Variants in SAAL1 observed in about 807,000 individuals in gnomAD.
SAAL1 encodes the protein protein SAAL1.
A neutral mutation model predicts 59.8 loss-of-function variants in SAAL1; 42 were observed. The ratio of observed to expected loss-of-function variants is 0.70; its 90% CI spans 0.55 to 0.91. The LOEUF (loss-of-function observed/expected upper bound fraction) is 0.91. SAAL1 is among the 40% of genes least tolerant of loss of function. The probability of loss-of-function intolerance (pLI) is 0.00; values close to 1 mark genes in which losing one functional copy is unlikely to be tolerated. For missense variants in SAAL1, 542 were observed against 561.1 expected, an observed-to-expected ratio of 0.97 and a Z score of 0.34; for synonymous variants, 191 against 194.3, an observed-to-expected ratio of 0.98 and a Z score of 0.14.
At chr11:18,102,755 A>T (rs1848647895) in intron 2 of SAAL1, among the ~76,000 whole-genome samples, 1 of 152,234 alleles carries the variant, frequency 6.6e-6, no homozygotes, top group African/African-American at 2.4e-5. Flanking sequence ...GTTATTGTGA[A>T]GATCAAATAG....
chr11:18,096,472 A>C (rs1263798509), intron 3 of SAAL1, among the ~76,000 whole-genome samples: 1 of 152,018 alleles, frequency 6.6e-6, no homozygotes, highest in African/African-American at 2.4e-5. Flanking sequence ...ACTCCCAGTT[A>C]CTTGGGAGGC....
chr11:18,085,798 C>A (rs1263267039), intron 9 of SAAL1, among the ~76,000 whole-genome samples: 1 of 151,970 alleles, frequency 6.6e-6, no homozygotes, highest in East Asian at 1.9e-4. Context: ...TGTGGGTAAG[C>A]TGGATTATTC....
chr11:18,101,687 A>G (rs958007201), intron 2 of SAAL1, among the ~76,000 whole-genome samples: 5 of 152,202 alleles, frequency 3.3e-5, no homozygotes, highest in Admixed American at 2.6e-4. Context: ...AAAACAAAGT[A>G]TATGTCCATA....
chr11:18,085,405 T>C (rs1418708760), intron 9 of SAAL1, among the ~76,000 whole-genome samples: 1 of 150,694 alleles, frequency 6.6e-6, no homozygotes, highest in South Asian at 2.1e-4. Flanking sequence ...GAAGAAAATA[T>C]GTCACAGACA....
In SAAL1 at chr11:18,103,181, T is replaced by C. The variant is rs1224068884; in HGVS notation, c.249+52A>G. The C allele has an allele frequency of 6.5e-6, 8 of 1,228,472 alleles. No individual in the cohort carries two copies. In the South Asian group the frequency reaches 8.4e-5, roughly 13 times the overall value. The allele number at this position is 1,228,472 out of a possible 1,614,324, so 76.1% of individuals were successfully genotyped here. On this transcript the variant is annotated intron_variant, in intron 2 of 11. Transcript: ENST00000524803. ...GACTGAACCGTTTTTAAAACATTCA[T>C]TCACCATCTCCTCACCCAACAGTCT...
Position 18,103,240 on chromosome 11 carries a change from A to G in SAAL1, c.242T>C (p.Met81Thr). ...NEICRVWDMS[M>T]DEDVALFLQE... is the part of the protein sequence containing the mutation. The stretch of plus-strand genomic sequence containing the variant: ...TTGTTTCCAGCCTCATACCTCATCC[A>G]TTGACATATCCCATACTCTGCAAAT... The change falls in exon 2 of 12, where the codon ATG (methionine) becomes ACG (threonine). Residue 81 changes from methionine to threonine, a missense_variant. Met to Thr is a moderately conservative substitution (Grantham distance 81). Coordinates refer to ENST00000524803, the MANE Select transcript of SAAL1 (RefSeq NM_138421.3). 6.2e-7 allele frequency: 1 copy of G among 1,606,376 alleles called. No homozygotes were observed. The highest frequency in any genetic ancestry group is 8.5e-7 in the Non-Finnish European group (1 of 1,173,060).
chr11:18,105,366 C>G (rs1418030025), intron 1 of SAAL1, among the ~76,000 whole-genome samples: 1 of 142,370 alleles, frequency 7.0e-6, no homozygotes, highest in Non-Finnish European at 1.5e-5. Context: ...TTTGTAGAAA[C>G]CAGGTCTATG....
intron 2 of SAAL1, among the ~76,000 whole-genome samples, chr11:18,101,820 TAAA>T (rs58015469): frequency 0.015 from 1,700 of 113,164 alleles, 30 homozygotes; most frequent in African/African-American, 0.044. Flanking sequence ...CATTCAGCAA[TAAA>T]AAAAAAAAAA....
chr11:18,098,870 A>G (rs1848603550), intron 2 of SAAL1, among the ~76,000 whole-genome samples: 1 of 152,266 alleles, frequency 6.6e-6, no homozygotes, highest in African/African-American at 2.4e-5. Context: ...CAACACCAAC[A>G]GTAATAAAAT....
intron 3 of SAAL1, among the ~76,000 whole-genome samples, chr11:18,093,153 C>T (rs60464729): frequency 0.12 from 18,788 of 152,090 alleles, 1,512 homozygotes; most frequent in African/African-American, 0.23. Flanking sequence ...GATCGACCAT[C>T]GGGATATCTC....
At chr11:18,095,106 G>C (rs540702646) in intron 3 of SAAL1, among the ~76,000 whole-genome samples, 1 of 152,180 alleles carries the variant, frequency 6.6e-6, no homozygotes, top group South Asian at 2.1e-4. Context: ...ACTCTGGAGG[G>C]AGGCTCGGCA....
chr11:18,097,838 G>GA (rs3993315), intron 2 of SAAL1, among the ~76,000 whole-genome samples: 61 of 139,862 alleles, frequency 4.4e-4, no homozygotes, highest in Admixed American at 1.3e-3. Flanking sequence ...AGAAAAAAAG[G>GA]AAAAAAAAAA....
intron 1 of SAAL1, among the ~76,000 whole-genome samples, chr11:18,105,314 G>A (rs1422129669): frequency 3.3e-5 from 5 of 150,154 alleles, no homozygotes; most frequent in Admixed American, 6.6e-5. Flanking sequence ...GACTACAGGC[G>A]TGCACCGTCA....
chr11:18,080,931 C>T (rs1848403036), intron 11 of SAAL1, among the ~76,000 whole-genome samples: 1 of 152,030 alleles, frequency 6.6e-6, no homozygotes, highest in African/African-American at 2.4e-5. Flanking sequence ...TATTTTTTTC[C>T]TCTTAGAATT....
chr11:18,085,005 A>G (rs1341462244), intron 9 of SAAL1, among the ~76,000 whole-genome samples: 1 of 152,162 alleles, frequency 6.6e-6, no homozygotes, highest in Non-Finnish European at 1.5e-5. Flanking sequence ...ACCTCAGGTA[A>G]TCTGCCCGCC....
At chr11:18,100,989 T>C (rs1183538405) in intron 2 of SAAL1, among the ~76,000 whole-genome samples, 3 of 152,136 alleles carry the variant, frequency 2.0e-5, no homozygotes, top group African/African-American at 4.8e-5. Context: ...CCAAAAAAGA[T>C]ACACAGAGTA....
chr11:18,084,030 C>T (rs1191009102), intron 9 of SAAL1, among the ~76,000 whole-genome samples: 2 of 152,156 alleles, frequency 1.3e-5, no homozygotes, highest in Non-Finnish European at 2.9e-5. Context: ...AGCAATGAAG[C>T]ATCAGCAATT....
At position 18,086,903 on chromosome 11, in the gene SAAL1, G is replaced by A. The variant is rs146452197; in HGVS notation, c.1005C>T (p.Ala335=). 6.2e-6 allele frequency: 10 copies of A among 1,613,866 alleles called. No individual in the cohort carries two copies. In the African/African-American group the frequency reaches 9.3e-5, roughly 15 times the overall value. ...SVFSVLSAIY[A]SQTEQEYLKI... Reference sequence around the variant, plus strand: ...TTAGATACTCTTGCTCAGTCTGTGAGGCATAGATGGCAGACAACACTGAAA... The same window carrying A: ...TTAGATACTCTTGCTCAGTCTGTGAAGCATAGATGGCAGACAACACTGAAA... The change falls in exon 9 of 12, where the codon GCC becomes GCT. Residue 335 remains alanine (A), a synonymous_variant. Transcript: ENST00000524803.
chr11:18,106,019 G>T lies in SAAL1; in HGVS notation c.23C>A (p.Pro8Gln). The change falls in exon 1 of 12, where the codon CCG (proline) becomes CAG (glutamine). Residue 8 changes from proline to glutamine, a missense_variant. Pro to Gln is a moderately conservative substitution (Grantham distance 76, BLOSUM62 -1). Transcript: ENST00000524803. MDRNPSP[P>Q]PPGRDKEEEE... is the part of the protein sequence containing the mutation. Reference sequence around the variant, plus strand: ...CTCCTCCTTGTCGCGACCCGGCGGCGGCGGCGAGGGGTTGCGGTCCATGAC... The same window carrying T: ...CTCCTCCTTGTCGCGACCCGGCGGCTGCGGCGAGGGGTTGCGGTCCATGAC... 1 of 1,608,502 alleles carries T rather than the reference G, an allele frequency of 6.2e-7. No individual in the cohort carries two copies.
Sources: gnomAD v4.1 joint callset for allele counts (sites outside exome capture counted in the v4.1 genomes callset) on GRCh38, gnomAD v4.1.1 for gene constraint, MANE v1.5 for transcripts, NCBI Gene and HGNC (gene_info 2026-07-23, HGNC 2026-07-21) for gene names.